The following IMMP2L variants were observed in gnomAD, a reference collection of about 807,000 sequenced individuals.
IMMP2L encodes inner mitochondrial membrane peptidase subunit 2, also known as mitochondrial inner membrane protease subunit 2.
A neutral mutation model predicts 19.3 loss-of-function variants in IMMP2L; 18 were observed. The ratio of observed to expected loss-of-function variants is 0.93; its 90% CI spans 0.64 to 1.38. The LOEUF is 1.38. Among genes scored for constraint, IMMP2L ranks in the 40% most tolerant of loss-of-function variants. The probability of loss-of-function intolerance (pLI) is 0.00; values close to 1 mark genes in which losing one functional copy is unlikely to be tolerated. For synonymous variants in IMMP2L, 76 were observed against 73.0 expected (o/e 1.04, Z -0.21); for missense variants, 233 against 218.2 (o/e 1.07, Z -0.43).
intron 5 of IMMP2L, among the ~76,000 whole-genome samples, chr7:110,797,876 A>G (rs1254862296): frequency 6.6e-6 from 1 of 152,056 alleles, no homozygotes; most frequent in Non-Finnish European, 1.5e-5. Context: ...AAGAAGTGAT[A>G]AATAACCTAA....
chr7:110,887,103 T>A (rs184425866), intron 4 of IMMP2L, among the ~76,000 whole-genome samples: 2 of 152,092 alleles, frequency 1.3e-5, no homozygotes, highest in South Asian at 4.1e-4. Flanking sequence ...AGTCTTCATT[T>A]TTTTCGGTCA....
At chr7:111,463,087 C>G (rs961608052) in intron 3 of IMMP2L, among the ~76,000 whole-genome samples, 3 of 152,048 alleles carry the variant, frequency 2.0e-5, no homozygotes, top group Non-Finnish European at 4.4e-5. Flanking sequence ...AGGATCTGTT[C>G]CATGCCTTTC....
chr7:111,043,944 G>C (rs537267544), intron 3 of IMMP2L, among the ~76,000 whole-genome samples: 1 of 152,272 alleles, frequency 6.6e-6, no homozygotes, highest in African/African-American at 2.4e-5. Context: ...GGGTATGTAA[G>C]AATGTTCATA....
chr7:110,758,433 C>T lies in IMMP2L; in HGVS notation c.409-94712G>A, dbSNP rs765177472. Among the ~76,000 whole-genome samples, 1 of 152,092 alleles carries T rather than the reference C, an allele frequency of 6.6e-6. No individual in the cohort carries two copies. Among genetic ancestry groups the T allele is most frequent in the Non-Finnish European group, 1.5e-5 (1 of 67,972 alleles). On this transcript the variant is annotated intron_variant, in intron 5 of 5. Transcript: ENST00000405709. This position sits in a 1 kb window ranked among gnomAD's most constrained non-coding sequence, Gnocchi z 4.6. ...ACGTTAGTATGCTATTGGAAAAGAT[C>T]TTATAGACAGGATAATATTGATGAC... is the stretch of plus-strand genomic sequence containing the variant.
chr7:111,290,210 T>A (rs774826094), intron 3 of IMMP2L, among the ~76,000 whole-genome samples: 1 of 152,192 alleles, frequency 6.6e-6, no homozygotes, highest in Non-Finnish European at 1.5e-5. Flanking sequence ...ATGCTATTGA[T>A]CCACCATTAG....
chr7:110,773,711 C>G (rs892469892), intron 5 of IMMP2L, among the ~76,000 whole-genome samples: 2 of 151,994 alleles, frequency 1.3e-5, no homozygotes, highest in Non-Finnish European at 2.9e-5. Context: ...CTTGGCCATC[C>G]AAATTGAGTT....
chr7:110,959,458 A>T (rs2129555118), intron 4 of IMMP2L, among the ~76,000 whole-genome samples: 1 of 152,086 alleles, frequency 6.6e-6, no homozygotes, highest in South Asian at 2.1e-4. Context: ...AGTAAATAAT[A>T]TTCTATTCCC....
At chr7:110,785,921 G>A (rs1800045022) in intron 5 of IMMP2L, among the ~76,000 whole-genome samples, 1 of 151,650 alleles carries the variant, frequency 6.6e-6, no homozygotes, top group Non-Finnish European at 1.5e-5. Context: ...AGTTTTTAAA[G>A]AGACTTCTGA....
At chr7:110,787,052 C>A (rs1417915297) in intron 5 of IMMP2L, among the ~76,000 whole-genome samples, 2 of 151,814 alleles carry the variant, frequency 1.3e-5, no homozygotes, top group African/African-American at 4.8e-5. Flanking sequence ...AAAAAAAATA[C>A]AATTTTATCT....
At chr7:111,302,663 T>C (rs1822397601) in intron 3 of IMMP2L, among the ~76,000 whole-genome samples, 3 of 152,082 alleles carry the variant, frequency 2.0e-5, no homozygotes, top group South Asian at 4.1e-4. Flanking sequence ...GCATTAGTCA[T>C]CACACAAAAA....
intron 3 of IMMP2L, among the ~76,000 whole-genome samples, chr7:111,199,125 G>C (rs1809826075): frequency 6.6e-6 from 1 of 151,880 alleles, no homozygotes; most frequent in African/African-American, 2.4e-5. Context: ...TGTGAAGTAG[G>C]TTTCAAGAAA....
chr7:111,159,884 T>C (rs964425421), intron 3 of IMMP2L, among the ~76,000 whole-genome samples: 12 of 152,142 alleles, frequency 7.9e-5, no homozygotes, highest in Admixed American at 4.6e-4. Flanking sequence ...TTTTTTTTAT[T>C]ACTATGTCTT....
At chr7:110,764,997 T>A (rs921574640) in intron 5 of IMMP2L, among the ~76,000 whole-genome samples, 7 of 152,116 alleles carry the variant, frequency 4.6e-5, no homozygotes, top group Non-Finnish European at 8.8e-5. Context: ...AGGCTTGAAC[T>A]TGAATCCCAA....
At chr7:111,121,108 T>A (rs1185291710) in intron 3 of IMMP2L, among the ~76,000 whole-genome samples, 1 of 152,200 alleles carries the variant, frequency 6.6e-6, no homozygotes, top group Non-Finnish European at 1.5e-5. Flanking sequence ...AAATAATAAA[T>A]GTTTAACCTT....
intron 4 of IMMP2L, among the ~76,000 whole-genome samples, chr7:110,927,340 T>C (rs1485478642): frequency 1.3e-5 from 2 of 152,136 alleles, no homozygotes; most frequent in African/African-American, 4.8e-5. Flanking sequence ...GGCATAATAA[T>C]GGCTCCCCAA....
rs577415711 is a variant in IMMP2L at position 111,289,459 on chromosome 7, T to C, written c.239+197779A>G. Among the ~76,000 whole-genome samples, 13 of 151,678 alleles carry C rather than the reference T, an allele frequency of 8.6e-5. No homozygotes were observed. In the South Asian group the frequency reaches 2.5e-3, roughly 29 times the overall value. The stretch of plus-strand genomic sequence containing the variant: ...CCTGGAAAGACAAGTTGGTGGCAAA[T>C]TCTGAATGATCTTGAATGCTATGGT... On this transcript the variant is annotated intron_variant, in intron 3 of 5. Coordinates refer to ENST00000405709, the MANE Select transcript of IMMP2L (RefSeq NM_032549.4).
At chr7:111,136,477 A>G (rs546804570) in intron 3 of IMMP2L, among the ~76,000 whole-genome samples, 60 of 152,310 alleles carry the variant, frequency 3.9e-4, no homozygotes, top group African/African-American at 1.4e-3. Context: ...CAGCCCTGCA[A>G]GTTATTGATT....
chr7:111,150,198 C>T (rs1803923199), intron 3 of IMMP2L, among the ~76,000 whole-genome samples: 1 of 151,998 alleles, frequency 6.6e-6, no homozygotes, highest in South Asian at 2.1e-4. Context: ...TTGACATAAC[C>T]CACCAAAGAT....
chr7:110,860,292 G>A (rs900691310), intron 5 of IMMP2L, among the ~76,000 whole-genome samples: 4 of 151,962 alleles, frequency 2.6e-5, no homozygotes, highest in East Asian at 1.9e-4. Flanking sequence ...TTTCAGTCAC[G>A]TGAATATGCT....
Sources: allele counts gnomAD v4.1 joint callset (sites outside exome capture counted in the v4.1 genomes callset), GRCh38; gene constraint gnomAD v4.1.1; non-coding constraint Gnocchi (gnomAD v3.1); transcripts MANE v1.5; gene names NCBI Gene and HGNC (gene_info 2026-07-23, HGNC 2026-07-21).